Variants in GALK2 observed in about 807,000 individuals in gnomAD.
The protein encoded by GALK2 is N-acetylgalactosamine kinase.
GALK2 carries 36 observed loss-of-function variants against 52.4 expected under a neutral mutation model. That is an observed-to-expected ratio of 0.69 (90% CI 0.53 to 0.91). The LOEUF (loss-of-function observed/expected upper bound fraction) is 0.91. Among genes scored for constraint, GALK2 ranks in the 40% least tolerant of loss-of-function variants. The pLI is 0.00. For missense variants in GALK2, 579 were observed against 559.1 expected, an observed-to-expected ratio of 1.04 and a Z score of -0.36; for synonymous variants, 176 against 199.1, an observed-to-expected ratio of 0.88 and a Z score of 0.98.
At chr15:49,270,695 A>C (rs1196049696) in intron 5 of GALK2, among the ~76,000 whole-genome samples, 11 of 152,176 alleles carry the variant, frequency 7.2e-5, no homozygotes, top group Admixed American at 7.2e-4. Flanking sequence ...CCCCAAGGCA[A>C]ATGTGTACAC....
rs869275324 is a variant in GALK2 at position 49,299,735 on chromosome 15, TTTTCTTTCTTTCTTTC to T, written c.967+7243_967+7258del. ...CTTTCTTTCTTTCTTTCTTTCTTTC[TTTTCTTTCTTTCTTTC>T]TTTCTTTCTTTCTTTCTTTCTTTCT... On this transcript the variant is annotated intron_variant, in intron 8 of 9. Coordinates refer to ENST00000560031, the MANE Select transcript of GALK2 (RefSeq NM_002044.4). 6.4e-4 allele frequency among the ~76,000 whole-genome samples: 50 copies of T among 77,548 alleles called. 1 individual carries two copies. Among genetic ancestry groups the T allele is most frequent in the Admixed American group, 1.1e-3 (9 of 8,240 alleles). 50.9% of individuals were successfully genotyped at this position (77,548 alleles called of 152,430 possible).
chr15:49,260,015 A>G (rs376965880), intron 5 of GALK2, among the ~76,000 whole-genome samples: 27,828 of 150,182 alleles, frequency 0.19, 2,605 homozygotes, highest in Non-Finnish European at 0.21. Flanking sequence ...AGTCTTTGCT[A>G]TTGTGAATAG....
intron 2 of GALK2, 52 bp downstream of exon 2, chr15:49,201,302 C>A (rs753109172): frequency 1.0e-6 from 1 of 953,182 alleles, no homozygotes; most frequent in East Asian, 2.6e-5. Flanking sequence ...TTGATAAGAT[C>A]TAAATTTTTA....
intron 3 of GALK2, among the ~76,000 whole-genome samples, chr15:49,342,956 C>A (rs1034421370): frequency 2.6e-5 from 4 of 152,032 alleles, no homozygotes; most frequent in Non-Finnish European, 5.9e-5. Context: ...AAGATTTTTT[C>A]TTTAGCACTG....
chr15:49,171,833 G>A (rs185290608), intron 1 of GALK2, among the ~76,000 whole-genome samples: 1 of 150,824 alleles, frequency 6.6e-6, no homozygotes, highest in African/African-American at 2.4e-5. Flanking sequence ...GTATAGTGGC[G>A]CAGTCTCCGC....
At chr15:49,262,630 T>C (rs2092173479) in intron 5 of GALK2, among the ~76,000 whole-genome samples, 2 of 151,730 alleles carry the variant, frequency 1.3e-5, no homozygotes, top group Non-Finnish European at 2.9e-5. Context: ...GTGTTTGCTC[T>C]TGCTTTTCTA....
At chr15:49,156,630 T>G in intron 1 of GALK2, 2 of 521,362 alleles carry the variant, frequency 3.8e-6, no homozygotes, top group Non-Finnish European at 7.5e-6. Context: ...CACTTTGATA[T>G]GATAAATATT....
At chr15:49,216,831 C>T (rs910873246) in intron 2 of GALK2, among the ~76,000 whole-genome samples, 2 of 152,200 alleles carry the variant, frequency 1.3e-5, no homozygotes, top group Non-Finnish European at 2.9e-5. Context: ...CACCCTCCCT[C>T]CCCCAAACAC....
intron 8 of GALK2, among the ~76,000 whole-genome samples, chr15:49,315,912 G>C (rs143369928): frequency 4.9e-4 from 74 of 152,246 alleles, no homozygotes; most frequent in African/African-American, 1.8e-3. Flanking sequence ...TCTCTGGATA[G>C]TTTCTATTTT....
At chr15:49,189,273 A>G (rs1281971128) in intron 1 of GALK2, among the ~76,000 whole-genome samples, 3 of 152,310 alleles carry the variant, frequency 2.0e-5, no homozygotes, top group South Asian at 2.1e-4. Context: ...ACACAAGGAC[A>G]TTCTTTTATA....
At chr15:49,294,127 T>TA (rs1348031143) in intron 8 of GALK2, among the ~76,000 whole-genome samples, 1 of 143,202 alleles carries the variant, frequency 7.0e-6, no homozygotes, top group African/African-American at 2.6e-5. Context: ...AATAAATAAA[T>TA]AAGACCCTGT....
At chr15:49,324,400 C>CA (rs56869664) in intron 9 of GALK2, among the ~76,000 whole-genome samples, 21 of 93,430 alleles carry the variant, frequency 2.2e-4, no homozygotes, top group East Asian at 1.4e-3. Flanking sequence ...CATACCCTGT[C>CA]AAAAAAAAAA....
intron 1 of GALK2, among the ~76,000 whole-genome samples, chr15:49,198,341 G>A (rs536479895): frequency 1.3e-5 from 2 of 152,166 alleles, no homozygotes; most frequent in East Asian, 3.8e-4. Flanking sequence ...CAGGAACTAA[G>A]ATACAATCAT....
At chr15:49,312,861 ATTGT>A (rs1026405507) in intron 8 of GALK2, among the ~76,000 whole-genome samples, 1 of 152,180 alleles carries the variant, frequency 6.6e-6, no homozygotes, top group Non-Finnish European at 1.5e-5. Flanking sequence ...AATTCAATAC[ATTGT>A]TTATCAGTGC....
intron 5 of GALK2, among the ~76,000 whole-genome samples, chr15:49,268,081 C>T (rs1464802752): frequency 6.6e-6 from 1 of 152,114 alleles, no homozygotes; most frequent in Non-Finnish European, 1.5e-5. Context: ...ATTGTATATT[C>T]ATTTGTTCAT....
At chr15:49,367,186 A>G (rs1010892469) in intron 3 of GALK2, among the ~76,000 whole-genome samples, 17 of 152,218 alleles carry the variant, frequency 1.1e-4, no homozygotes, top group Admixed American at 7.2e-4. Flanking sequence ...GCCTTTTATC[A>G]GAGAACCAAA....
At chr15:49,203,543 T>A (rs1423429283) in intron 2 of GALK2, among the ~76,000 whole-genome samples, 1 of 152,228 alleles carries the variant, frequency 6.6e-6, no homozygotes, top group Non-Finnish European at 1.5e-5. Context: ...TAATTTCATT[T>A]GTCTATTTTT....
At chr15:49,354,780 G>A (rs1029216532) in intron 3 of GALK2, among the ~76,000 whole-genome samples, 28 of 152,004 alleles carry the variant, frequency 1.8e-4, no homozygotes, top group African/African-American at 5.8e-4. Context: ...CTCCACCTCT[G>A]GGGGCAGGGC....
At chr15:49,277,038 A>G (rs1401702633) in intron 5 of GALK2, among the ~76,000 whole-genome samples, 3 of 140,736 alleles carry the variant, frequency 2.1e-5, no homozygotes, top group African/African-American at 7.9e-5. Flanking sequence ...CAGTGGCGCA[A>G]TCTCGGCTCA....
Sources: gnomAD v4.1 joint callset for allele counts (sites outside exome capture counted in the v4.1 genomes callset) on GRCh38, gnomAD v4.1.1 for gene constraint, MANE v1.5 for transcripts, NCBI Gene and HGNC (gene_info 2026-07-23, HGNC 2026-07-21) for gene names.